TMEM117: variants seen among roughly 807,000 people sequenced by gnomAD.
TMEM117 encodes transmembrane protein 117.
Under a neutral mutation model 52.4 loss-of-function variants are expected in TMEM117, and 27 were observed. That is an observed-to-expected ratio of 0.51 (90% CI 0.38 to 0.71). The LOEUF (loss-of-function observed/expected upper bound fraction) is 0.71, where lower values mean the gene tolerates loss of function less well. Ranked by LOEUF, TMEM117 falls within the 30% of genes least tolerant of loss-of-function variation. The pLI is 0.00. For missense variants in TMEM117, 556 were observed against 630.5 expected (o/e 0.88, Z 1.26); for synonymous variants, 215 against 206.3 (o/e 1.04, Z -0.36).
Position 44,255,193 on chromosome 12 carries a change from G to C in TMEM117, c.608+43806G>C, listed in dbSNP as rs192571144. Among the ~76,000 whole-genome samples the C allele has an allele frequency of 2.4e-3, 366 of 152,124 alleles. 12 individuals carry two copies. In the East Asian group the frequency reaches 0.035, roughly 14 times the overall value. On this transcript the variant is annotated intron_variant, in intron 5 of 7. Coordinates refer to ENST00000266534, the MANE Select transcript of TMEM117 (RefSeq NM_032256.3). ...ATACCCAGTAATGGGATGGCTGGGT[G>C]AAATGGTATTTCTAGTTCTAGATCC...
intron 6 of TMEM117, among the ~76,000 whole-genome samples, chr12:44,356,673 T>C (rs947853283): frequency 2.4e-4 from 37 of 152,112 alleles, no homozygotes; most frequent in Non-Finnish European, 1.5e-5. Flanking sequence ...GTCTCTCAAG[T>C]AAGGAAAACA....
chr12:44,386,943 G>A (rs1952096471), intron 7 of TMEM117, among the ~76,000 whole-genome samples: 1 of 151,916 alleles, frequency 6.6e-6, no homozygotes, highest in Non-Finnish European at 1.5e-5. Context: ...ATCATATGAA[G>A]CAGTAACAAT....
intron 6 of TMEM117, among the ~76,000 whole-genome samples, chr12:44,312,923 CT>C (rs763456996): frequency 6.6e-6 from 1 of 152,050 alleles, no homozygotes; most frequent in Non-Finnish European, 1.5e-5. Flanking sequence ...TGAGAAGTGT[CT>C]GTTCATGTTC....
chr12:44,227,327 G>T (rs1416856967), intron 5 of TMEM117, among the ~76,000 whole-genome samples: 2 of 152,112 alleles, frequency 1.3e-5, no homozygotes, highest in Non-Finnish European at 2.9e-5. Flanking sequence ...AGCCAGGCAT[G>T]GTGGCATGTA....
intron 3 of TMEM117, among the ~76,000 whole-genome samples, chr12:44,017,547 TG>T (rs1171346667): frequency 1.3e-5 from 2 of 152,236 alleles, no homozygotes; most frequent in East Asian, 3.9e-4. Context: ...GTCACTGGGT[TG>T]GCTAACTTAG....
the TMEM117 span, among the ~76,000 whole-genome samples, chr12:43,815,509 CAG>C: frequency 2.6e-5 from 4 of 152,126 alleles, no homozygotes; most frequent in African/African-American, 9.7e-5. Context: ...TAAGGATACA[CAG>C]AGGTACATTT....
intron 4 of TMEM117, among the ~76,000 whole-genome samples, chr12:44,183,202 A>G (rs1302518516): frequency 6.6e-6 from 1 of 152,202 alleles, no homozygotes; most frequent in African/African-American, 2.4e-5. Context: ...ATTATTATCT[A>G]ATGACTATAT....
At chr12:44,325,477 TC>T (rs1951183130) in intron 6 of TMEM117, among the ~76,000 whole-genome samples, 1 of 150,828 alleles carries the variant, frequency 6.6e-6, no homozygotes, top group South Asian at 2.1e-4. Context: ...AGATATTTTT[TC>T]TCAACTATTT....
chr12:43,901,342 G>T (rs187427690), intron 2 of TMEM117, among the ~76,000 whole-genome samples: 58 of 151,914 alleles, frequency 3.8e-4, no homozygotes, highest in African/African-American at 1.4e-3. Flanking sequence ...ACGGAGTCTT[G>T]CTCTGTTGCC....
chr12:44,094,118 AGAGT>A (rs1947717729), intron 3 of TMEM117, among the ~76,000 whole-genome samples: 1 of 152,196 alleles, frequency 6.6e-6, no homozygotes. Flanking sequence ...CCATTCAATT[AGAGT>A]AAGTTAACTT....
rs141833914 is a variant in TMEM117 at position 44,096,037 on chromosome 12, A to G, written c.411-47488A>G. On this transcript the variant is annotated intron_variant, in intron 3 of 7. Coordinates refer to ENST00000266534, the MANE Select transcript of TMEM117 (RefSeq NM_032256.3). ...AGCAAAGTCTCAGGATACAAAATCAATGTACAAAAATCACAAGCATTCTTA... is the reference window on the plus strand; with the variant it reads ...AGCAAAGTCTCAGGATACAAAATCAGTGTACAAAAATCACAAGCATTCTTA... Among the ~76,000 whole-genome samples, 1,513 of 152,220 alleles carry G rather than the reference A, an allele frequency of 9.9e-3. 32 individuals carry two copies. Among genetic ancestry groups the G allele is most frequent in the African/African-American group, 0.034 (1,425 of 41,508 alleles).
the TMEM117 span, among the ~76,000 whole-genome samples, chr12:43,810,245 C>CT: frequency 6.6e-6 from 1 of 152,166 alleles, no homozygotes; most frequent in Non-Finnish European, 1.5e-5. Context: ...CTCATTATCT[C>CT]TAACATGTCA....
intron 5 of TMEM117, among the ~76,000 whole-genome samples, chr12:44,260,886 A>G (rs2138539165): frequency 6.6e-6 from 1 of 152,334 alleles, no homozygotes; most frequent in Non-Finnish European, 1.5e-5. Flanking sequence ...AAGTAAAAAG[A>G]GAGACAAATT....
chr12:44,134,724 T>A (rs1279202768), intron 3 of TMEM117, among the ~76,000 whole-genome samples: 3 of 152,162 alleles, frequency 2.0e-5, no homozygotes, highest in Non-Finnish European at 2.9e-5. Flanking sequence ...AGAAGAATGG[T>A]TGCACAGTTA....
chr12:44,152,696 TA>T (rs912380518), intron 4 of TMEM117, among the ~76,000 whole-genome samples: 2 of 134,796 alleles, frequency 1.5e-5, no homozygotes, highest in African/African-American at 2.8e-5. Flanking sequence ...TATTTATATA[TA>T]AATTTTTATA....
intron 3 of TMEM117, among the ~76,000 whole-genome samples, chr12:44,072,723 G>A (rs771851065): frequency 1.3e-5 from 2 of 152,160 alleles, no homozygotes; most frequent in Admixed American, 6.5e-5. Context: ...TGTTTATTGA[G>A]TGGCTGCTGT....
In TMEM117 at chr12:44,152,092, CAT is replaced by C. The variant is rs539983301; in HGVS notation, c.510+8470_510+8471del. Among the ~76,000 whole-genome samples the C allele has an allele frequency of 5.9e-3, 632 of 107,998 alleles. 7 individuals carry two copies. The highest frequency in any genetic ancestry group is 0.022 in the Admixed American group (188 of 8,398). The allele number at this position is 107,998 out of a possible 152,430, so 70.9% of individuals were successfully genotyped here. On this transcript the variant is annotated intron_variant, in intron 4 of 7. Transcript: ENST00000266534. ...ATATAATATATATTTATATTATAAA[CAT>C]AAATATATAATATATAATATAAATG...
At chr12:44,227,033 A>T (rs1031039161) in intron 5 of TMEM117, among the ~76,000 whole-genome samples, 4 of 152,134 alleles carry the variant, frequency 2.6e-5, no homozygotes, top group African/African-American at 9.7e-5. Context: ...ACTTCATTTC[A>T]TGGATTTTCA....
intron 5 of TMEM117, among the ~76,000 whole-genome samples, chr12:44,247,542 A>G (rs1950145621): frequency 1.3e-5 from 2 of 152,242 alleles, no homozygotes; most frequent in Admixed American, 6.5e-5. Flanking sequence ...TACCATATCC[A>G]TCACTTTAAA....
Sources: gnomAD v4.1 joint callset for allele counts (sites outside exome capture counted in the v4.1 genomes callset) on GRCh38, gnomAD v4.1.1 for gene constraint, MANE v1.5 for transcripts, NCBI Gene and HGNC (gene_info 2026-07-23, HGNC 2026-07-21) for gene names.